The following GRIN2A variants were observed in gnomAD, a reference collection of about 807,000 sequenced individuals.
The protein encoded by GRIN2A is glutamate ionotropic receptor NMDA type subunit 2A.
Under a neutral mutation model 113.4 loss-of-function variants are expected in GRIN2A, and 22 were observed. The observed-to-expected ratio is 0.19, with a 90% CI of 0.14 to 0.28. The LOEUF (loss-of-function observed/expected upper bound fraction) is 0.28, where lower values mean the gene tolerates loss of function less well. GRIN2A is among the 10% of genes least tolerant of loss of function. The pLI is 1.00. For missense variants in GRIN2A, 1,502 were observed against 1,887.0 expected (o/e 0.80, Z 3.78); for synonymous variants, 827 against 738.4 (o/e 1.12, Z -1.94).
rs140626993 is a variant in GRIN2A, at chr16:10,065,790, A to C, written c.414+114208T>G. Among the ~76,000 whole-genome samples, 792 of 152,324 alleles carry C rather than the reference A, an allele frequency of 5.2e-3. 3 individuals carry two copies. The highest frequency in any genetic ancestry group is 8.6e-3 in the Non-Finnish European group (587 of 68,026). ...CAACCCCATCTCAAGCCAAGACTAT[A>C]ACCCTCTCAATTTCATGGGAGGTTG... On this transcript the variant is annotated intron_variant, in intron 2 of 12. Transcript: ENST00000330684.
chr16:10,032,797 A>G (rs927855852), intron 2 of GRIN2A, among the ~76,000 whole-genome samples: 4 of 152,216 alleles, frequency 2.6e-5, no homozygotes, highest in African/African-American at 9.6e-5. Context: ...AGCTTTCATC[A>G]TAGCTTCTGC....
chr16:9,917,939 T>C (rs1264241436), intron 3 of GRIN2A, among the ~76,000 whole-genome samples: 1 of 152,228 alleles, frequency 6.6e-6, no homozygotes, highest in Admixed American at 6.5e-5. Context: ...TTAATTAAGC[T>C]ATGCAAAGCA....
At chr16:9,835,634 T>C (rs1054256395) in intron 7 of GRIN2A, among the ~76,000 whole-genome samples, 1 of 152,080 alleles carries the variant, frequency 6.6e-6, no homozygotes, top group Non-Finnish European at 1.5e-5. Context: ...TTTCTGAGGG[T>C]TAAAATAAGT....
intron 3 of GRIN2A, among the ~76,000 whole-genome samples, chr16:9,936,045 C>G (rs1447737824): frequency 6.6e-6 from 1 of 152,170 alleles, no homozygotes; most frequent in African/African-American, 2.4e-5. Flanking sequence ...ACTGATCACT[C>G]TGGAAGTTAT....
At chr16:9,808,868 A>G (rs544685601) in intron 10 of GRIN2A, among the ~76,000 whole-genome samples, 15 of 152,086 alleles carry the variant, frequency 9.9e-5, no homozygotes, top group Non-Finnish European at 1.5e-4. Context: ...GGACTCCCCA[A>G]CGATCCTTAA....
At chr16:9,913,267 C>T (rs1261147343) in intron 3 of GRIN2A, among the ~76,000 whole-genome samples, 1 of 152,196 alleles carries the variant, frequency 6.6e-6, no homozygotes, top group African/African-American at 2.4e-5. Flanking sequence ...TGAGTCTCCT[C>T]TAGGGAAACA....
intron 2 of GRIN2A, among the ~76,000 whole-genome samples, chr16:10,048,932 G>A (rs564684560): frequency 6.6e-6 from 1 of 152,338 alleles, no homozygotes; most frequent in African/African-American, 2.4e-5. Flanking sequence ...CGTGGAGGAA[G>A]GAGCCGAGGG....
Position 10,079,990 on chromosome 16 carries a change from G to C in GRIN2A, c.414+100008C>G, listed in dbSNP as rs542818712. On this transcript the variant is annotated intron_variant, in intron 2 of 12. Transcript: ENST00000330684. ...TACCCTCTGTGCAATGCTGCTCTCA[G>C]CGAGCAAATAAGAATGATCATGGAA... 3.9e-5 allele frequency among the ~76,000 whole-genome samples: 6 copies of C among 152,312 alleles called. No homozygotes were observed. The South Asian group carries it at 1.2e-3, about 32-fold the overall frequency.
chr16:9,871,729 T>C (rs762657604), intron 4 of GRIN2A, among the ~76,000 whole-genome samples: 2 of 152,218 alleles, frequency 1.3e-5, no homozygotes, highest in Non-Finnish European at 2.9e-5. Flanking sequence ...GTAATGTACA[T>C]AAAGTGGTTG....
chr16:9,954,421 G>C (rs1353204726), intron 2 of GRIN2A, among the ~76,000 whole-genome samples: 1 of 152,132 alleles, frequency 6.6e-6, no homozygotes, highest in Non-Finnish European at 1.5e-5. Context: ...CACACACATT[G>C]CATCATCTTG....
At chr16:10,038,055 A>G (rs2047067344) in intron 2 of GRIN2A, among the ~76,000 whole-genome samples, 1 of 151,576 alleles carries the variant, frequency 6.6e-6, no homozygotes, top group South Asian at 2.1e-4. Flanking sequence ...GCTGTAACAA[A>G]ACACATAAAC....
At chr16:10,146,755 G>A (rs2049448421) in intron 2 of GRIN2A, among the ~76,000 whole-genome samples, 1 of 152,014 alleles carries the variant, frequency 6.6e-6, no homozygotes, top group South Asian at 2.1e-4. Context: ...TGGAATCCAC[G>A]TGTAATAATC....
At chr16:10,040,572 TCACACA>T (rs112132209) in intron 2 of GRIN2A, among the ~76,000 whole-genome samples, 2 of 149,898 alleles carry the variant, frequency 1.3e-5, no homozygotes, top group African/African-American at 2.5e-5. Flanking sequence ...ACCCACATAT[TCACACA>T]CACACACACA....
chr16:10,101,929 T>C (rs764675029), intron 2 of GRIN2A, among the ~76,000 whole-genome samples: 7 of 152,218 alleles, frequency 4.6e-5, no homozygotes, highest in Non-Finnish European at 7.3e-5. Context: ...GAGCCACTTT[T>C]GTGTAGGCAA....
rs1293538285 is a variant in GRIN2A at position 9,764,307 on chromosome 16, G to A, written c.3237C>T (p.Asn1079=). The change falls in exon 13 of 13, where the codon AAC becomes AAT. Residue 1079 remains asparagine (N), a synonymous_variant. Transcript: ENST00000330684. ...TCHREPDNSK[N]HKTKDNFKRS... Reference sequence around the variant, plus strand: ...TTTTAAAGTTGTCCTTGGTTTTGTGGTTCTTACTGTTGTCAGGTTCCCTGT... The same window carrying A: ...TTTTAAAGTTGTCCTTGGTTTTGTGATTCTTACTGTTGTCAGGTTCCCTGT... The A allele has an allele frequency of 6.2e-7, 1 of 1,613,918 alleles. No homozygotes were observed. Among genetic ancestry groups the A allele is most frequent in the Non-Finnish European group, 8.5e-7 (1 of 1,180,014 alleles).
Position 9,755,148 on chromosome 16 carries a change from T to G in GRIN2A, c.*8001A>C, listed in dbSNP as rs147832762. On this transcript the variant is annotated 3_prime_UTR_variant, in exon 13 of 13. Coordinates refer to ENST00000330684, the MANE Select transcript of GRIN2A (RefSeq NM_001134407.3). ...ACTGACATAGTAAGTAAGAGAATTA[T>G]GAGTGATAATCTCAGTTTTGTCTTC... is the stretch of plus-strand genomic sequence containing the variant. 1 of 195,160 alleles carries G rather than the reference T, an allele frequency of 5.1e-6. No homozygotes were observed. Among genetic ancestry groups the G allele is most frequent in the East Asian group, 8.0e-5 (1 of 12,494 alleles). The allele number at this position is 195,160 out of a possible 1,614,324, so 12.1% of individuals were successfully genotyped here. A position where few individuals can be genotyped will look rare whatever the true frequency, so the allele number is the denominator to read the frequency against.
chr16:9,800,393 G>A (rs1472151381), intron 10 of GRIN2A, among the ~76,000 whole-genome samples: 5 of 152,114 alleles, frequency 3.3e-5, no homozygotes, highest in Non-Finnish European at 7.3e-5. Flanking sequence ...AACTAAATCG[G>A]AGATGACTCA....
intron 2 of GRIN2A, among the ~76,000 whole-genome samples, chr16:10,068,358 T>C (rs779925210): frequency 2.0e-5 from 3 of 152,194 alleles, no homozygotes; most frequent in Non-Finnish European, 4.4e-5. Context: ...ACAGGAAACA[T>C]GGTACTGGCA....
intron 3 of GRIN2A, among the ~76,000 whole-genome samples, chr16:9,932,284 CAA>C (rs200389849): frequency 0.012 from 1,878 of 152,228 alleles, 42 homozygotes; most frequent in African/African-American, 0.043. Flanking sequence ...TGTAAGACAC[CAA>C]AGACATTTTT....
Sources: gnomAD v4.1 joint callset for allele counts (sites outside exome capture counted in the v4.1 genomes callset) on GRCh38, gnomAD v4.1.1 for gene constraint, MANE v1.5 for transcripts, NCBI Gene and HGNC (gene_info 2026-07-23, HGNC 2026-07-21) for gene names.